The following MCM9 variants were observed in gnomAD, a reference collection of about 807,000 sequenced individuals.
The protein encoded by MCM9 is minichromosome maintenance 9 homologous recombination repair factor.
MCM9 carries 55 observed loss-of-function variants against 72.8 expected under a neutral mutation model. The ratio of observed to expected loss-of-function variants is 0.76; its 90% CI spans 0.61 to 0.95. MCM9 has a LOEUF of 0.95. MCM9 is among the 40% of genes least tolerant of loss of function. The pLI is 0.00. For missense variants in MCM9, 1,279 were observed against 1,377.0 expected (o/e 0.93, Z 1.13); for synonymous variants, 480 against 503.4 (o/e 0.95, Z 0.62).
At chr6:118,884,474 A>G (rs1415532002) in intron 8 of MCM9, among the ~76,000 whole-genome samples, 1 of 152,112 alleles carries the variant, frequency 6.6e-6, no homozygotes, top group African/African-American at 2.4e-5. Context: ...GAAAATATTC[A>G]TTTGATACAA....
At chr6:118,894,280 G>C in intron 8 of MCM9, 6 of 1,465,790 alleles carry the variant, frequency 4.1e-6, no homozygotes, top group South Asian at 1.4e-5. Context: ...GAGGAAAAAA[G>C]TTTCTCAAGT....
At chr6:118,859,152 C>A (rs1417252279) in intron 8 of MCM9, among the ~76,000 whole-genome samples, 1 of 152,030 alleles carries the variant, frequency 6.6e-6, no homozygotes, top group Non-Finnish European at 1.5e-5. Context: ...AAAGGCAATT[C>A]AATGGAGAAA....
In MCM9 at chr6:118,856,529, A is replaced by C. The variant is rs1156866562; in HGVS notation, c.1167T>G (p.Ala389=). ...GSTSAGLTVT[A]VKDSGEWNLE... ...AATTCCATTCTCCTGAGTCTTTTAC[A>C]GCAGTTACCGTCAGACCTGAGGAAA... Residue 389 remains alanine (A), a synonymous_variant, in exon 9 of 14, where the codon GCT becomes GCG. Transcript: ENST00000619706. The C allele has an allele frequency of 6.5e-7, 1 of 1,535,652 alleles. No homozygotes were observed. Among genetic ancestry groups the C allele is most frequent in the South Asian group, 1.2e-5 (1 of 84,054 alleles).
intron 8 of MCM9, among the ~76,000 whole-genome samples, chr6:118,865,374 CT>C (rs1422404858): frequency 6.6e-6 from 1 of 152,204 alleles, no homozygotes; most frequent in African/African-American, 2.4e-5. Context: ...AATATTCCCT[CT>C]CTAAACTACT....
chr6:118,895,012 C>A (rs1297310798), intron 8 of MCM9, among the ~76,000 whole-genome samples: 1 of 152,182 alleles, frequency 6.6e-6, no homozygotes, highest in Non-Finnish European at 1.5e-5. Flanking sequence ...TCCTCTTGCC[C>A]CGCCGCCCGC....
chr6:118,862,173 AG>A (rs1776947534), intron 8 of MCM9, among the ~76,000 whole-genome samples: 1 of 152,196 alleles, frequency 6.6e-6, no homozygotes, highest in African/African-American at 2.4e-5. Context: ...CTTCAGGGGA[AG>A]GGGGGCTTCC....
At position 118,932,647 on chromosome 6, in the gene MCM9, A is replaced by T; in HGVS notation, c.-56T>A. ...CAGCCAGTTCTGACATGAATAATTA[A>T]CAGACTGTCCTTAGAAATTCATACT... is the stretch of plus-strand genomic sequence containing the variant. On this transcript the variant is annotated 5_prime_UTR_variant, in exon 2 of 14. Coordinates refer to ENST00000619706, the MANE Select transcript of MCM9 (RefSeq NM_017696.3). 2.0e-6 allele frequency: 2 copies of T among 982,058 alleles called. No individual in the cohort carries two copies. The highest frequency in any genetic ancestry group is 2.4e-6 in the Non-Finnish European group (2 of 826,842). The allele number at this position is 982,058 out of a possible 1,614,324, so 60.8% of individuals were successfully genotyped here.
chr6:118,918,058 A>G, intron 5 of MCM9: 1 of 387,298 alleles, frequency 2.6e-6, no homozygotes, highest in South Asian at 3.3e-5. Context: ...AGTTTACTGG[A>G]TGATTCATTC....
intron 8 of MCM9, among the ~76,000 whole-genome samples, chr6:118,888,573 C>G (rs1476672626): frequency 6.6e-6 from 1 of 152,126 alleles, no homozygotes; most frequent in African/African-American, 2.4e-5. Context: ...CACTCCTAAG[C>G]ATAAACCTAG....
chr6:118,875,081 C>A (rs891223067), intron 8 of MCM9, among the ~76,000 whole-genome samples: 1 of 152,132 alleles, frequency 6.6e-6, no homozygotes, highest in Admixed American at 6.5e-5. Context: ...CCATTGCACT[C>A]CAGCCTGGGT....
At chr6:118,908,882 T>C (rs1780345944) in intron 8 of MCM9, 1 of 152,632 alleles carries the variant, frequency 6.6e-6, no homozygotes, top group African/African-American at 2.4e-5. Flanking sequence ...TTAAAGCTTT[T>C]ATGTTGAGGA....
intron 8 of MCM9, among the ~76,000 whole-genome samples, chr6:118,868,224 C>T (rs1212783166): frequency 6.6e-6 from 1 of 151,950 alleles, no homozygotes; most frequent in Non-Finnish European, 1.5e-5. Flanking sequence ...AGAACTAAAG[C>T]TACAATAATT....
chr6:118,875,642 A>C (rs1777886262), intron 8 of MCM9, among the ~76,000 whole-genome samples: 2 of 85,274 alleles, frequency 2.3e-5, no homozygotes, highest in African/African-American at 9.8e-5. Context: ...TCTCAAAAAA[A>C]TAATAATAAT....
intron 8 of MCM9, chr6:118,905,568 T>TCC: frequency 8.9e-7 from 1 of 1,117,924 alleles, no homozygotes; most frequent in Non-Finnish European, 1.3e-6. Context: ...CAACTGATGG[T>TCC]TCTAGGTAAC....
At chr6:118,816,700 A>C (rs1773430264) in intron 13 of MCM9, among the ~76,000 whole-genome samples, 1 of 152,212 alleles carries the variant, frequency 6.6e-6, no homozygotes, top group Non-Finnish European at 1.5e-5. Flanking sequence ...TTGCTGACCA[A>C]GTAGGTTGTT....
chr6:118,910,582 A>C lies in MCM9; in HGVS notation c.1150+1068T>G, dbSNP rs926902278. On this transcript the variant is annotated intron_variant, in intron 8 of 13. Coordinates refer to ENST00000619706, the MANE Select transcript of MCM9 (RefSeq NM_017696.3). ...TTGACACTCTACATAATTACTTAGG[A>C]AACATTCCACATAATTACTTGGGAA... 4.1e-6 allele frequency: 4 copies of C among 978,462 alleles called. No individual in the cohort carries two copies. The African/African-American group carries it at 7.0e-5, about 17-fold the overall frequency. 60.6% of individuals were successfully genotyped at this position (978,462 alleles called of 1,614,324 possible). A position where few individuals can be genotyped will look rare whatever the true frequency, so the allele number is the denominator to read the frequency against.
At chr6:118,889,949 GAGAGGGT>G (rs1778840110) in intron 8 of MCM9, among the ~76,000 whole-genome samples, 1 of 152,206 alleles carries the variant, frequency 6.6e-6, no homozygotes, top group African/African-American at 2.4e-5. Flanking sequence ...CAGAGAAGGG[GAGAGGGT>G]ACGCTATGTA....
chr6:118,933,197 A>G (rs1188961994), intron 1 of MCM9, among the ~76,000 whole-genome samples: 2 of 152,022 alleles, frequency 1.3e-5, no homozygotes, highest in Non-Finnish European at 2.9e-5. Flanking sequence ...CCAGCTGTCC[A>G]AATAAGAAAC....
intron 8 of MCM9, among the ~76,000 whole-genome samples, chr6:118,891,083 T>C (rs962403558): frequency 2.1e-4 from 32 of 152,232 alleles, no homozygotes; most frequent in African/African-American, 7.2e-4. Context: ...TTGTTTTGTG[T>C]ATGACCTCAA....
Sources: allele counts gnomAD v4.1 joint callset (sites outside exome capture counted in the v4.1 genomes callset), GRCh38; gene constraint gnomAD v4.1.1; transcripts MANE v1.5; gene names NCBI Gene and HGNC (gene_info 2026-07-23, HGNC 2026-07-21).